The following PHLPP1 variants were observed in gnomAD, a reference collection of about 807,000 sequenced individuals.
PHLPP1 encodes PH domain leucine-rich repeat-containing protein phosphatase 1.
A neutral mutation model predicts 117.2 loss-of-function variants in PHLPP1; 42 were observed. The ratio of observed to expected loss-of-function variants is 0.36; its 90% CI spans 0.28 to 0.46. The LOEUF is 0.46. Ranked by LOEUF, PHLPP1 falls within the 20% of genes least tolerant of loss-of-function variation. PHLPP1 has a pLI of 1.00. For missense variants in PHLPP1, 2,084 were observed against 2,241.9 expected, an observed-to-expected ratio of 0.93 and a Z score of 1.42; for synonymous variants, 1,042 against 970.7, an observed-to-expected ratio of 1.07 and a Z score of -1.37.
chr18:62,771,332 A>C (rs1178976332), intron 1 of PHLPP1, among the ~76,000 whole-genome samples: 1 of 152,210 alleles, frequency 6.6e-6, no homozygotes, highest in East Asian at 1.9e-4. Context: ...ACCATTAAGC[A>C]ATCATTTTCT....
At chr18:62,958,880 A>AG in intron 13 of PHLPP1, 121 bp downstream of exon 13, 10 of 1,073,906 alleles carry the variant, frequency 9.3e-6, no homozygotes, top group Non-Finnish European at 1.3e-5. Context: ...GTTAACACAC[A>AG]CAACAGGATA....
intron 1 of PHLPP1, among the ~76,000 whole-genome samples, chr18:62,728,515 T>G (rs886661532): frequency 2.6e-5 from 4 of 151,126 alleles, no homozygotes; most frequent in Non-Finnish European, 5.9e-5. Context: ...TTTTTTTTTT[T>G]TTTTTTGAGA....
At chr18:62,763,637 T>C (rs1293837671) in intron 1 of PHLPP1, among the ~76,000 whole-genome samples, 1 of 152,192 alleles carries the variant, frequency 6.6e-6, no homozygotes, top group African/African-American at 2.4e-5. Context: ...CCCTCTTTTT[T>C]AGTTTTCTCA....
At chr18:62,843,591 G>A (rs1915105891) in intron 3 of PHLPP1, among the ~76,000 whole-genome samples, 1 of 152,206 alleles carries the variant, frequency 6.6e-6, no homozygotes, top group South Asian at 2.1e-4. Flanking sequence ...TATTTTGGAT[G>A]TGTATTAGTG....
chr18:62,745,893 T>C (rs999171394), intron 1 of PHLPP1, among the ~76,000 whole-genome samples: 1 of 152,216 alleles, frequency 6.6e-6, no homozygotes, highest in Non-Finnish European at 1.5e-5. Flanking sequence ...ATCCAAATAC[T>C]GTACTAGTAT....
intron 14 of PHLPP1, among the ~76,000 whole-genome samples, chr18:62,970,636 G>T (rs1054888238): frequency 6.6e-6 from 1 of 152,044 alleles, no homozygotes; most frequent in African/African-American, 2.4e-5. Flanking sequence ...GTGGTGGCGG[G>T]TGCCTGTAAT....
At chr18:62,953,450 C>T (rs1910522127) in intron 12 of PHLPP1, among the ~76,000 whole-genome samples, 1 of 152,214 alleles carries the variant, frequency 6.6e-6, no homozygotes, top group Non-Finnish European at 1.5e-5. Context: ...TTTGATTCTG[C>T]ACAAAAATCT....
rs191253813 is a variant in PHLPP1, at chr18:62,932,378, T to C, written c.2961-9340T>C. Among the ~76,000 whole-genome samples the C allele has an allele frequency of 2.0e-5, 3 of 152,286 alleles. No homozygotes were observed. The East Asian group carries it at 5.8e-4, about 29-fold the overall frequency. ...GACACAAAAATCTTCATCAAATAAG[T>C]AGCCAGCTGAATTCAGCAGCATATC... On this transcript the variant is annotated intron_variant, in intron 10 of 16. Coordinates refer to ENST00000262719, the MANE Select transcript of PHLPP1 (RefSeq NM_194449.4).
intron 7 of PHLPP1, among the ~76,000 whole-genome samples, chr18:62,905,017 G>A (rs930494406): frequency 2.4e-4 from 36 of 152,206 alleles, no homozygotes; most frequent in African/African-American, 8.2e-4. Context: ...AATGCATGAT[G>A]TATTTCAATC....
chr18:62,953,536 G>A (rs550308746), intron 12 of PHLPP1, among the ~76,000 whole-genome samples: 3 of 152,270 alleles, frequency 2.0e-5, no homozygotes, highest in East Asian at 1.9e-4. Flanking sequence ...CTGCCATATC[G>A]TTGATCATAC....
chr18:62,769,512 A>G (rs1213753039), intron 1 of PHLPP1, among the ~76,000 whole-genome samples: 2 of 152,184 alleles, frequency 1.3e-5, no homozygotes, highest in South Asian at 2.1e-4. Flanking sequence ...TGTTTCTAAA[A>G]TGCATCTTTT....
intron 3 of PHLPP1, among the ~76,000 whole-genome samples, chr18:62,856,927 A>G (rs1445080599): frequency 1.3e-5 from 2 of 150,390 alleles, no homozygotes; most frequent in Non-Finnish European, 3.0e-5. Flanking sequence ...CCCTTTCTCA[A>G]GCTGTTTTTT....
intron 3 of PHLPP1, among the ~76,000 whole-genome samples, chr18:62,850,478 T>A (rs2144352312): frequency 6.6e-6 from 1 of 151,972 alleles, no homozygotes; most frequent in East Asian, 1.9e-4. Flanking sequence ...AAAGCTAGAG[T>A]GTAAGTTTTT....
rs1337489315 is a variant in PHLPP1, at chr18:62,715,875, C to T, written c.192C>T (p.Asn64=). Residue 64 remains asparagine (N), a synonymous_variant, in exon 1 of 17, where the codon AAC becomes AAT. Coordinates refer to ENST00000262719, the MANE Select transcript of PHLPP1 (RefSeq NM_194449.4). ...ALTPAAPSGG[N]GSGSGAREEA... ...CCCCGGCGGCCCCGAGCGGCGGGAA[C>T]GGCAGCGGCAGCGGGGCGCGGGAAG... 1.1e-5 allele frequency: 9 copies of T among 827,400 alleles called. No individual in the cohort carries two copies. In the East Asian group the frequency reaches 9.7e-4, roughly 89 times the overall value. The allele number at this position is 827,400 out of a possible 1,614,324, so 51.3% of individuals were successfully genotyped here.
At position 62,951,940 on chromosome 18, in the gene PHLPP1, G is replaced by A. The variant is rs377375928; in HGVS notation, c.3324+6669G>A. Among the ~76,000 whole-genome samples the A allele has an allele frequency of 2.9e-4, 44 of 150,178 alleles. 1 individual carries two copies. The East Asian group carries it at 3.8e-3, about 13-fold the overall frequency. ...CGCCATTCTCCTGCCTCAGCCTCCC[G>A]AGTAGCTGGGACTACAGGTGCCCAC... On this transcript the variant is annotated intron_variant, in intron 12 of 16. Transcript: ENST00000262719.
At chr18:62,892,651 C>T (rs977071364) in intron 4 of PHLPP1, among the ~76,000 whole-genome samples, 7 of 151,362 alleles carry the variant, frequency 4.6e-5, no homozygotes, top group East Asian at 4.0e-4. Flanking sequence ...CTGAGGCGGG[C>T]GGATCACGAG....
At chr18:62,871,016 CTT>C (rs1162685439) in intron 4 of PHLPP1, among the ~76,000 whole-genome samples, 1 of 152,012 alleles carries the variant, frequency 6.6e-6, no homozygotes, top group East Asian at 1.9e-4. Flanking sequence ...TTGTTTATCT[CTT>C]TTATTAATAG....
chr18:62,898,015 C>CCTTTCTCCTCT (rs1568154444), intron 6 of PHLPP1, among the ~76,000 whole-genome samples: 1 of 144,406 alleles, frequency 6.9e-6, no homozygotes, highest in Admixed American at 7.2e-5. Flanking sequence ...TTCCTCCTCC[C>CCTTTCTCCTCT]TTCTCCTCTT....
chr18:62,958,461 A>G lies in PHLPP1; in HGVS notation c.3325-168A>G, dbSNP rs1399669317. On this transcript the variant is annotated intron_variant, in intron 12 of 16. Coordinates refer to ENST00000262719, the MANE Select transcript of PHLPP1 (RefSeq NM_194449.4). The stretch of plus-strand genomic sequence containing the variant: ...ATTTTTTTTGCATTTAGCAAAATCT[A>G]TTTTAAATGTTTATGGCAAAGTAAC... Among the ~76,000 whole-genome samples, 6 of 152,248 alleles carry G rather than the reference A, an allele frequency of 3.9e-5. No homozygotes were observed. The East Asian group carries it at 7.7e-4, about 19-fold the overall frequency.
Sources: gnomAD v4.1 joint callset for allele counts (sites outside exome capture counted in the v4.1 genomes callset) on GRCh38, gnomAD v4.1.1 for gene constraint, MANE v1.5 for transcripts, NCBI Gene and HGNC (gene_info 2026-07-23, HGNC 2026-07-21) for gene names.